ANK3: variants seen among roughly 807,000 people sequenced by gnomAD.
ANK3 encodes the protein ankyrin 3, also known as ankyrin-3.
ANK3 carries 57 observed loss-of-function variants against 370.9 expected under a neutral mutation model. The ratio of observed to expected loss-of-function variants is 0.15; its 90% CI spans 0.12 to 0.19. ANK3 has a LOEUF of 0.19. Among genes scored for constraint, ANK3 ranks in the 10% least tolerant of loss-of-function variants. ANK3 has a pLI of 1.00. For missense variants in ANK3, 4,439 were observed against 5,302.1 expected (o/e 0.84, Z 5.06); for synonymous variants, 1,929 against 1,946.3 (o/e 0.99, Z 0.23).
intron 1 of ANK3, among the ~76,000 whole-genome samples, chr10:60,331,169 G>A (rs910508623): frequency 9.2e-5 from 14 of 152,088 alleles, no homozygotes; most frequent in African/African-American, 3.4e-4. Flanking sequence ...TAATGTAGAT[G>A]ATGGGTTGAT....
intron 37 of ANK3, 81 bp downstream of exon 37, chr10:60,068,556 G>A: frequency 4.2e-6 from 6 of 1,431,690 alleles, no homozygotes; most frequent in Non-Finnish European, 4.7e-6. Flanking sequence ...GGGTCTACGA[G>A]TTGGAAAGTG....
chr10:60,616,665 T>C (rs1322023258), intron 1 of ANK3, among the ~76,000 whole-genome samples: 1 of 152,016 alleles, frequency 6.6e-6, no homozygotes, highest in Non-Finnish European at 1.5e-5. Flanking sequence ...CACAAAAATC[T>C]TGACTTTACA....
intron 26 of ANK3, among the ~76,000 whole-genome samples, chr10:60,113,049 A>G (rs935770190): frequency 6.6e-6 from 1 of 152,216 alleles, no homozygotes; most frequent in East Asian, 1.9e-4. Flanking sequence ...CAGTATCTAA[A>G]GATACACTAA....
rs1376963370 is a variant in ANK3 at position 60,070,983 on chromosome 10, T to C, written c.9898A>G (p.Ile3300Val). The C allele has an allele frequency of 5.0e-6, 8 of 1,614,124 alleles. No homozygotes were observed. Among genetic ancestry groups the C allele is most frequent in the Middle Eastern group, 1.7e-4 (1 of 6,060 alleles). ...HDKYQLAEPVIRVQPPSPVPP... is the reference protein window; with the variant it reads ...HDKYQLAEPVVRVQPPSPVPP... ...ACTGGTGAAGGTGGCTGCACTCTAA[T>C]GACAGGTTCAGCCAGCTGGTACTTG... Residue 3300 changes from isoleucine to valine, a missense_variant, in exon 37 of 44, where the codon ATT (isoleucine) becomes GTT (valine). This residue lies in a region of ANK3 where 1,601 missense variants were observed against 1,731.7 expected (regional missense o/e 0.92). Coordinates refer to ENST00000280772, the MANE Select transcript of ANK3 (RefSeq NM_020987.5). This position sits in a 1 kb window ranked among gnomAD's most constrained non-coding sequence, Gnocchi z 5.7.
intron 2 of ANK3, among the ~76,000 whole-genome samples, chr10:60,500,384 GA>G (rs918689063): frequency 1.3e-5 from 2 of 151,816 alleles, no homozygotes; most frequent in African/African-American, 4.8e-5. Flanking sequence ...GCATGATGAA[GA>G]AAAAAAGAGT....
intron 1 of ANK3, among the ~76,000 whole-genome samples, chr10:60,712,041 C>G (rs2079717272): frequency 6.6e-6 from 1 of 152,114 alleles, no homozygotes; most frequent in South Asian, 2.1e-4. Context: ...GAATATGTCA[C>G]CAGAAGACCT....
chr10:60,243,007 A>C (rs1033694201), intron 7 of ANK3, among the ~76,000 whole-genome samples: 38 of 152,166 alleles, frequency 2.5e-4, no homozygotes, highest in Admixed American at 2.0e-4. Context: ...GTAGTGTACT[A>C]ATATATACTT....
At chr10:60,067,877 G>A (rs545041677) in intron 38 of ANK3, 58 bp downstream of exon 38, 6 of 1,405,332 alleles carry the variant, frequency 4.3e-6, no homozygotes, top group Non-Finnish European at 5.9e-6. Flanking sequence ...AACTGCTTGT[G>A]AGTAAGACAA....
At chr10:60,224,327 C>T (rs530685201) in intron 8 of ANK3, among the ~76,000 whole-genome samples, 1 of 152,154 alleles carries the variant, frequency 6.6e-6, no homozygotes, top group African/African-American at 2.4e-5. Context: ...CTGGCTAGTC[C>T]AGATCTCATA....
intron 1 of ANK3, among the ~76,000 whole-genome samples, chr10:60,343,720 A>G (rs978022006): frequency 2.0e-5 from 3 of 152,158 alleles, no homozygotes; most frequent in African/African-American, 4.8e-5. Context: ...TCATAAAGAG[A>G]GGTGATGACA....
At chr10:60,566,222 G>A (rs1299870753) in intron 2 of ANK3, among the ~76,000 whole-genome samples, 1 of 152,092 alleles carries the variant, frequency 6.6e-6, no homozygotes, top group Non-Finnish European at 1.5e-5. Context: ...CTGCTCCACT[G>A]ACATGTTCTT....
At position 60,069,792 on chromosome 10, in the gene ANK3, A is replaced by T; in HGVS notation, c.11089T>A (p.Ser3697Thr). The T allele has an allele frequency of 6.2e-7, 1 of 1,613,946 alleles. No homozygotes were observed. Among genetic ancestry groups the T allele is most frequent in the East Asian group, 2.2e-5 (1 of 44,852 alleles). ...GATTTCTCCAGGGAGCCACTACTGG[A>T]TGTGCCTTCCTGACACTCTCCGCTG... ...PTSGECQEGT[S>T]SSGSLEKSAA... Residue 3697 changes from serine (S) to threonine (T), a missense_variant, in exon 37 of 44, where the codon TCC (serine) becomes ACC (threonine). Ser to Thr is a moderately conservative substitution (Grantham distance 58). Transcript: ENST00000280772.
At chr10:60,708,450 T>C (rs1564597411) in intron 1 of ANK3, among the ~76,000 whole-genome samples, 1 of 152,052 alleles carries the variant, frequency 6.6e-6, no homozygotes, top group Non-Finnish European at 1.5e-5. Flanking sequence ...GAAGAATGAG[T>C]TGAGTTTCAA....
chr10:60,160,934 T>C (rs1331652988), intron 23 of ANK3, among the ~76,000 whole-genome samples: 2 of 152,268 alleles, frequency 1.3e-5, no homozygotes, highest in South Asian at 2.1e-4. Flanking sequence ...GCTAGTATCA[T>C]ACCCAATGGG....
At chr10:60,067,759 C>T (rs949464010) in intron 38 of ANK3, among the ~76,000 whole-genome samples, 176 bp downstream of exon 38, 4 of 152,232 alleles carry the variant, frequency 2.6e-5, no homozygotes, top group East Asian at 1.9e-4. Flanking sequence ...TTTGGAAAAA[C>T]ACAGTATACA....
At chr10:60,507,751 G>A (rs1309825333) in intron 2 of ANK3, 2 of 151,946 alleles carry the variant, frequency 1.3e-5, no homozygotes, top group Non-Finnish European at 2.9e-5. Context: ...AGAGAATTAA[G>A]AGTAATGAAG....
At chr10:60,184,757 C>T (rs181822616) in intron 17 of ANK3, among the ~76,000 whole-genome samples, 3 of 152,252 alleles carry the variant, frequency 2.0e-5, no homozygotes, top group East Asian at 3.9e-4. Context: ...TATATTGTAC[C>T]AGTTGGCTGC....
chr10:60,513,041 TAAAAA>T (rs1051028054), intron 2 of ANK3, among the ~76,000 whole-genome samples: 15 of 151,032 alleles, frequency 9.9e-5, no homozygotes, highest in African/African-American at 3.2e-4. Context: ...TGAGGAAAAA[TAAAAA>T]ATTGACAGAA....
At chr10:60,087,327 G>T (rs921618957) in intron 29 of ANK3, among the ~76,000 whole-genome samples, 1 of 152,160 alleles carries the variant, frequency 6.6e-6, no homozygotes. Flanking sequence ...AATTTCAAAA[G>T]ATTTCAATTC....
Sources: gnomAD v4.1 joint callset for allele counts (sites outside exome capture counted in the v4.1 genomes callset) on GRCh38, gnomAD v4.1.1 for gene constraint, gnomAD v4.1.1 regional missense constraint, Gnocchi (gnomAD v3.1) non-coding constraint, MANE v1.5 for transcripts, NCBI Gene and HGNC (gene_info 2026-07-23, HGNC 2026-07-21) for gene names.